Variants in KNG1 observed in about 807,000 individuals in gnomAD.
KNG1 encodes the protein kininogen 1.
Under a neutral mutation model 47.8 loss-of-function variants are expected in KNG1, and 23 were observed. That is an observed-to-expected ratio of 0.48 (90% confidence interval 0.35 to 0.68). The LOEUF (loss-of-function observed/expected upper bound fraction) is 0.68. Among genes scored for constraint, KNG1 ranks in the 30% least tolerant of loss-of-function variants. The probability of loss-of-function intolerance (pLI) is 0.01; values close to 1 mark genes in which losing one functional copy is unlikely to be tolerated. For missense variants in KNG1, 762 were observed against 790.2 expected (o/e 0.96, Z 0.43); for synonymous variants, 277 against 277.0 (o/e 1.00, Z 0.00).
chr3:186,729,610 A>G lies in KNG1; in HGVS notation c.673-1935A>G, dbSNP rs148911196. On this transcript the variant is annotated intron_variant, in intron 5 of 9. Coordinates refer to ENST00000644859, the MANE Select transcript of KNG1 (RefSeq NM_001102416.3). Reference sequence around the variant, plus strand: ...AAATATTGTATGATTCCACTTATATAAAACACCTAGAATAGGCAAATTCAG... The same window carrying G: ...AAATATTGTATGATTCCACTTATATGAAACACCTAGAATAGGCAAATTCAG... Among the ~76,000 whole-genome samples, 21 of 152,346 alleles carry G rather than the reference A, an allele frequency of 1.4e-4. No homozygotes were observed. The East Asian group carries it at 2.3e-3, about 17-fold the overall frequency.
chr3:186,723,820 A>AT (rs1466765498), intron 3 of KNG1, among the ~76,000 whole-genome samples: 1 of 151,788 alleles, frequency 6.6e-6, no homozygotes, highest in African/African-American at 2.4e-5. Context: ...CGCCCGGATA[A>AT]TTTTTGTGTT....
chr3:186,739,799 C>A (rs1214902474), intron 9 of KNG1, among the ~76,000 whole-genome samples: 1 of 152,188 alleles, frequency 6.6e-6, no homozygotes, highest in Non-Finnish European at 1.5e-5. Context: ...CGCCTGTTAT[C>A]CCAGCACTTT....
intron 3 of KNG1, among the ~76,000 whole-genome samples, 173 bp downstream of exon 3, chr3:186,722,694 T>C (rs1648714): frequency 0.73 from 110,817 of 152,114 alleles, 40,452 homozygotes; most frequent in Middle Eastern, 0.84. Flanking sequence ...GAGCCAGGCT[T>C]GTGACCATCA....
chr3:186,742,037 C>T lies in KNG1; in HGVS notation c.1641C>T (p.Pro547=), dbSNP rs1720828016. The T allele has an allele frequency of 1.2e-6, 2 of 1,613,938 alleles. No homozygotes were observed. The highest frequency in any genetic ancestry group is 1.7e-5 in the Admixed American group (1 of 59,982). ...QTQEKTEGPT[P]IPSLAKPGVT... ...AAGAGAAGACAGAAGGGCCAACACC[C>T]ATCCCTTCCCTAGCCAAGCCAGGTG... Residue 547 remains proline (P), a synonymous_variant, in exon 10 of 10, where the codon CCC becomes CCT. Coordinates refer to ENST00000644859, the MANE Select transcript of KNG1 (RefSeq NM_001102416.3).
rs748200931 is a variant in KNG1, at chr3:186,717,718, T to C, written c.176T>C (p.Ile59Thr). 4 of 1,612,766 alleles carry C rather than the reference T, an allele frequency of 2.5e-6. No individual in the cohort carries two copies. The Admixed American group carries it at 5.0e-5, about 20-fold the overall frequency. The part of the protein sequence containing the change: ...QSNNQFVLYR[I>T]TEATKTVGSD... ...AACAACCAGTTTGTATTGTACCGCA[T>C]AACTGAAGCCACTAAGACGGTGAGT... Residue 59 changes from isoleucine to threonine, a missense_variant, in exon 1 of 10, where the codon ATA (isoleucine) becomes ACA (threonine). By Grantham distance (89) the Ile-to-Thr change is moderately conservative (BLOSUM62 -1). Transcript: ENST00000644859.
chr3:186,717,501 G>T lies in KNG1; in HGVS notation c.-42G>T, dbSNP rs754195310. ...GTATCCCAGTTGGCTCTTGATTCTTGGTGAAACCATCCCTCAGCTCCTAGA... is the reference window on the plus strand; with the variant it reads ...GTATCCCAGTTGGCTCTTGATTCTTTGTGAAACCATCCCTCAGCTCCTAGA... On this transcript the variant is annotated 5_prime_UTR_variant, in exon 1 of 10. Coordinates refer to ENST00000644859, the MANE Select transcript of KNG1 (RefSeq NM_001102416.3). The T allele has an allele frequency of 8.9e-6, 13 of 1,457,906 alleles. No individual in the cohort carries two copies. In the South Asian group the frequency reaches 1.5e-4, roughly 17 times the overall value. 90.3% of individuals were successfully genotyped at this position (1,457,906 alleles called of 1,614,324 possible). A position where few individuals can be genotyped will look rare whatever the true frequency, so the allele number is the denominator to read the frequency against.
chr3:186,719,684 A>G (rs899148999), intron 1 of KNG1, among the ~76,000 whole-genome samples: 5 of 150,970 alleles, frequency 3.3e-5, no homozygotes, highest in Non-Finnish European at 5.9e-5. Context: ...AGCCGAGATC[A>G]CGCCACTGCA....
intron 2 of KNG1, among the ~76,000 whole-genome samples, chr3:186,720,771 GGTT>G (rs71759015): frequency 0.4 from 56,463 of 139,582 alleles, 12,168 homozygotes; most frequent in South Asian, 0.6. Flanking sequence ...CACCATAGCT[GGTT>G]GTTGTTTTGC....
intron 2 of KNG1, chr3:186,721,390 C>G (rs1225316261): frequency 6.6e-6 from 1 of 152,276 alleles, no homozygotes; most frequent in Non-Finnish European, 1.5e-5. Context: ...GGAATAGTAT[C>G]TGTCACTTAG....
intron 2 of KNG1, 49 bp downstream of exon 2, chr3:186,720,264 G>T (rs750681545): frequency 8.1e-7 from 1 of 1,238,220 alleles, no homozygotes; most frequent in East Asian, 2.3e-5. Flanking sequence ...CGTTGACCCT[G>T]CCAGATTTTT....
Position 186,732,629 on chromosome 3 carries a change from A to C in KNG1, c.885A>C (p.Ala295=). The C allele has an allele frequency of 1.2e-6, 2 of 1,614,170 alleles. No homozygotes were observed. The highest frequency in any genetic ancestry group is 2.2e-5 in the South Asian group (2 of 91,086). ...CAAAGCTTAATGCAGAGAATAACGC[A>C]ACTTTCTATTTCAAGATTGACAATG... ...TITKLNAENN[A]TFYFKIDNVK... Residue 295 remains alanine (A), a synonymous_variant, in exon 7 of 10, where the codon GCA becomes GCC. Coordinates refer to ENST00000644859, the MANE Select transcript of KNG1 (RefSeq NM_001102416.3).
At chr3:186,724,634 C>T (rs1053797969) in intron 3 of KNG1, among the ~76,000 whole-genome samples, 4 of 151,590 alleles carry the variant, frequency 2.6e-5, no homozygotes, top group Non-Finnish European at 4.4e-5. Flanking sequence ...TGATTGAATT[C>T]CTTGTATATG....
chr3:186,720,638 T>C (rs1207365666), intron 2 of KNG1: 2 of 285,742 alleles, frequency 7.0e-6, no homozygotes, highest in African/African-American at 4.4e-5. Context: ...TGGCACTTTC[T>C]GCTGTATATG....
At position 186,743,847 on chromosome 3, in the gene KNG1, G is replaced by A. The variant is rs1720876692; in HGVS notation, c.*1516G>A. ...CAACCACCTCTGCCAGCAACCTTGAGAGGAAGGACAAGAAGAAAGATGGGA... is the reference window on the plus strand; with the variant it reads ...CAACCACCTCTGCCAGCAACCTTGAAAGGAAGGACAAGAAGAAAGATGGGA... On this transcript the variant is annotated 3_prime_UTR_variant, in exon 10 of 10. Transcript: ENST00000644859. 4 of 1,135,942 alleles carry A rather than the reference G, an allele frequency of 3.5e-6. No homozygotes were observed. The South Asian group carries it at 4.9e-5, about 14-fold the overall frequency. 70.4% of individuals were successfully genotyped at this position (1,135,942 alleles called of 1,614,324 possible).
At chr3:186,726,982 A>G (rs993801228) in intron 4 of KNG1, among the ~76,000 whole-genome samples, 1 of 151,824 alleles carries the variant, frequency 6.6e-6, no homozygotes, top group African/African-American at 2.4e-5. Context: ...ATAGAAAAAT[A>G]TATATATTGC....
chr3:186,743,843 T>A lies in KNG1; in HGVS notation c.*1512T>A. 1 of 1,187,006 alleles carries A rather than the reference T, an allele frequency of 8.4e-7. No individual in the cohort carries two copies. The highest frequency in any genetic ancestry group is 1.9e-4 in the Middle Eastern group (1 of 5,264). 73.5% of individuals were successfully genotyped at this position (1,187,006 alleles called of 1,614,324 possible). On this transcript the variant is annotated 3_prime_UTR_variant, in exon 10 of 10. Coordinates refer to ENST00000644859, the MANE Select transcript of KNG1 (RefSeq NM_001102416.3). ...GCCCCAACCACCTCTGCCAGCAACC[T>A]TGAGAGGAAGGACAAGAAGAAAGAT...
intron 5 of KNG1, among the ~76,000 whole-genome samples, chr3:186,729,815 GGCAT>G (rs1720465244): frequency 6.6e-6 from 1 of 152,112 alleles, no homozygotes; most frequent in Non-Finnish European, 1.5e-5. Flanking sequence ...TGGGATTACA[GGCAT>G]GTGCCACCAC....
intron 7 of KNG1, chr3:186,734,501 C>T (rs1720620128): frequency 6.6e-6 from 1 of 152,248 alleles, no homozygotes; most frequent in Admixed American, 6.5e-5. Context: ...TGGCTCACGC[C>T]TGTAATCCCA....
Position 186,725,189 on chromosome 3 carries a change from C to A in KNG1, c.493C>A (p.Gln165Lys), listed in dbSNP as rs149382791. The A allele has an allele frequency of 1.7e-5, 28 of 1,613,994 alleles. No individual in the cohort carries two copies. The highest frequency in any genetic ancestry group is 2.7e-5 in the African/African-American group (2 of 74,904). The stretch of plus-strand genomic sequence containing the variant: ...GGAGCCCATTCTGAGACACGGCATT[C>A]AGTACTTTAACAACAACACTCAACA... ...DLEPILRHGI[Q>K]YFNNNTQHSS... is the part of the protein sequence containing the mutation. The change falls in exon 4 of 10, where the codon CAG becomes AAG. Residue 165 changes from glutamine to lysine, a missense_variant. Transcript: ENST00000644859.
Sources: allele counts gnomAD v4.1 joint callset (sites outside exome capture counted in the v4.1 genomes callset), GRCh38; gene constraint gnomAD v4.1.1; transcripts MANE v1.5; gene names NCBI Gene and HGNC (gene_info 2026-07-23, HGNC 2026-07-21).